MGAM: variants seen among roughly 807,000 people sequenced by gnomAD.
The protein encoded by MGAM is maltase-glucoamylase.
In MGAM, 253 loss-of-function variants were observed where a neutral mutation model predicts 358.8. That is an observed-to-expected ratio of 0.71 (90% CI 0.64 to 0.78). The LOEUF (loss-of-function observed/expected upper bound fraction) is 0.78. MGAM is among the 30% of genes least tolerant of loss of function. MGAM has a pLI of 0.00. For synonymous variants in MGAM, 1,105 were observed against 1,227.1 expected (o/e 0.90, Z 2.08); for missense variants, 3,080 against 3,432.6 (o/e 0.90, Z 2.57).
At chr7:142,019,749 G>T (rs1363558873) in intron 4 of MGAM, among the ~76,000 whole-genome samples, 5 of 152,118 alleles carry the variant, frequency 3.3e-5, no homozygotes, top group African/African-American at 1.2e-4. Flanking sequence ...GGAGTGAATA[G>T]CCCCTCTTCT....
intron 10 of MGAM, among the ~76,000 whole-genome samples, chr7:142,029,133 G>A (rs1427720433): frequency 6.6e-6 from 1 of 152,058 alleles, no homozygotes; most frequent in Admixed American, 6.6e-5. Context: ...GGCAGATCAC[G>A]AGGTCAGGAG....
At chr7:142,034,433 A>G in intron 15 of MGAM, 54 bp downstream of exon 15, 1 of 1,266,526 alleles carries the variant, frequency 7.9e-7, no homozygotes. Flanking sequence ...GAATATATAT[A>G]TGTTTTTAAT....
At chr7:142,041,982 A>ATATATG (rs1210943951) in intron 21 of MGAM, among the ~76,000 whole-genome samples, 6 of 13,154 alleles carry the variant, frequency 4.6e-4, no homozygotes, top group Admixed American at 1.7e-3. Context: ...ATATATATAT[A>ATATATG]ATATAATATA....
At position 142,034,355 on chromosome 7, in the gene MGAM, A is replaced by G; in HGVS notation, c.1763A>G (p.Tyr588Cys). The G allele has an allele frequency of 1.3e-6, 2 of 1,587,976 alleles. No individual in the cohort carries two copies. The highest frequency in any genetic ancestry group is 1.7e-6 in the Non-Finnish European group (2 of 1,166,590). Reference protein sequence around the residue: ...KQYDIHNLYGYSMAVATAEAA... With the variant: ...KQYDIHNLYGCSMAVATAEAA... ...TATGACATTCACAATCTGTATGGCT[A>G]CTCCATGGCGGTCGCCACAGCAGAG... The change falls in exon 15 of 71, where the codon TAC becomes TGC. Residue 588 changes from tyrosine (Y) to cysteine (C), a missense_variant. Coordinates refer to ENST00000475668, the MANE Select transcript of MGAM (RefSeq NM_001365693.1).
intron 9 of MGAM, 89 bp from the exon 10 acceptor site, chr7:142,027,521 C>A: frequency 7.3e-7 from 1 of 1,376,732 alleles, no homozygotes; most frequent in Non-Finnish European, 1.0e-6. Flanking sequence ...GGGAAATGGA[C>A]TATGTTTGGT....
chr7:142,046,930 T>G (rs1269204449), intron 21 of MGAM, among the ~76,000 whole-genome samples: 7 of 152,148 alleles, frequency 4.6e-5, no homozygotes, highest in African/African-American at 1.7e-4. Context: ...ATTTATTTAT[T>G]TTTGTATCTC....
Position 142,095,634 on chromosome 7 carries a change from A to C in MGAM, c.7528A>C (p.Thr2510Pro). ...ISRTVLQTRYTLLPYLYTLMH... is the reference protein window; with the variant it reads ...ISRTVLQTRYPLLPYLYTLMH... Reference sequence around the variant, plus strand: ...CAGAACTGTCCTGCAGACCAGATACACCCTGTTGCCATATCTGTATACCTT... The same window carrying C: ...CAGAACTGTCCTGCAGACCAGATACCCCCTGTTGCCATATCTGTATACCTT... Residue 2510 changes from threonine to proline, a missense_variant, in exon 64 of 71, where the codon ACC becomes CCC. Physicochemically the swap from Thr to Pro is conservative, Grantham distance 38 (BLOSUM62 -1). Around this residue, in one of 5 missense-constraint regions of MGAM, gnomAD observed 932 missense variants for 1,198.2 expected, o/e 0.78. Coordinates refer to ENST00000475668, the MANE Select transcript of MGAM (RefSeq NM_001365693.1). The C allele has an allele frequency of 6.2e-7, 1 of 1,613,820 alleles. No homozygotes were observed. Among genetic ancestry groups the C allele is most frequent in the Non-Finnish European group, 8.5e-7 (1 of 1,179,810 alleles).
chr7:142,043,495 A>C (rs1260780208), intron 21 of MGAM, among the ~76,000 whole-genome samples: 2 of 87,480 alleles, frequency 2.3e-5, no homozygotes, highest in South Asian at 3.6e-4. Flanking sequence ...AATATAATAT[A>C]TATATTATAT....
intron 1 of MGAM, 48 bp from the exon 2 acceptor site, chr7:142,005,481 T>C (rs1584901773): frequency 1.5e-6 from 2 of 1,335,634 alleles, no homozygotes; most frequent in Non-Finnish European, 2.0e-6. Context: ...TTACTAGTTA[T>C]ATAGTAAATC....
intron 53 of MGAM, 68 bp downstream of exon 53, chr7:142,083,481 A>C (rs1213238009): frequency 1.8e-6 from 2 of 1,124,626 alleles, no homozygotes; most frequent in East Asian, 5.1e-5. Flanking sequence ...GCCCACATTC[A>C]TTAGTATAAC....
Position 142,102,645 on chromosome 7 carries a change from G to A in MGAM, c.7979G>A (p.Gly2660Glu). 1.9e-6 allele frequency: 3 copies of A among 1,613,434 alleles called. No homozygotes were observed. Among genetic ancestry groups the A allele is most frequent in the Non-Finnish European group, 2.5e-6 (3 of 1,179,702 alleles). The change falls in exon 69 of 71, where the codon GGA becomes GAA. Residue 2660 changes from glycine to glutamate, a missense_variant. By Grantham distance (98) the Gly-to-Glu change is moderately conservative. Transcript: ENST00000475668. Reference protein sequence around the residue: ...DGQSIDTYGKGLYYLASFSAS... With the variant: ...DGQSIDTYGKELYYLASFSAS... ...TTGTTTGCAGATACCTATGGGAAAG[G>A]ACTCTATTACTTGGCCAGCTTTTCT...
At chr7:141,989,131 GGAGAGAGAGAGAGA>G (rs141287011) in intron 2 of MGAM, among the ~76,000 whole-genome samples, 4 of 148,088 alleles carry the variant, frequency 2.7e-5, no homozygotes, top group South Asian at 2.2e-4. Flanking sequence ...AGAGAAAGAG[GGAGAGAGAGAGAGA>G]GAGAGAGAAA....
chr7:142,083,285 T>G lies in MGAM; in HGVS notation c.6269-16T>G. On this transcript the variant is annotated splice_polypyrimidine_tract_variant and intron_variant, in intron 52 of 70. Transcript: ENST00000475668. The stretch of plus-strand genomic sequence containing the variant: ...GGAAAGTTTCCAGCTTGATTAGCAT[T>G]TTTCTTCATTTTCAGATGTGACGTT... 1 of 1,523,214 alleles carries G rather than the reference T, an allele frequency of 6.6e-7. No homozygotes were observed. Among genetic ancestry groups the G allele is most frequent in the Non-Finnish European group, 9.0e-7 (1 of 1,108,386 alleles). 94.4% of individuals were successfully genotyped at this position (1,523,214 alleles called of 1,614,324 possible). A position where few individuals can be genotyped will look rare whatever the true frequency, so the allele number is the denominator to read the frequency against.
rs753259806 is a variant in MGAM, at chr7:142,071,137, G to T, written c.5186+19G>T. On this transcript the variant is annotated intron_variant, in intron 44 of 70. Coordinates refer to ENST00000475668, the MANE Select transcript of MGAM (RefSeq NM_001365693.1). ...ACTTAAGGTGAATGACAGGACTCAG[G>T]TTTTCCTTTACATTTCAGTTAGCTC... is the stretch of plus-strand genomic sequence containing the variant. The T allele has an allele frequency of 6.5e-7, 1 of 1,541,282 alleles. No individual in the cohort carries two copies. Among genetic ancestry groups the T allele is most frequent in the South Asian group, 1.1e-5 (1 of 87,464 alleles).
At chr7:142,067,962 ATAAAT>A (rs1812955041) in intron 42 of MGAM, among the ~76,000 whole-genome samples, 1 of 36,340 alleles carries the variant, frequency 2.8e-5, no homozygotes, top group African/African-American at 7.9e-5. Flanking sequence ...ATATATATAT[ATAAAT>A]ATATATATAT....
At position 142,046,064 on chromosome 7, in the gene MGAM, A is replaced by ATATT. The variant is rs1810352034; in HGVS notation, c.2499-1721_2499-1720insTATT. Among the ~76,000 whole-genome samples, 127 of 140,318 alleles carry ATATT rather than the reference A, an allele frequency of 9.1e-4. 6 individuals are homozygous for ATATT. The highest frequency in any genetic ancestry group is 1.9e-3 in the African/African-American group (71 of 38,126). The allele number at this position is 140,318 out of a possible 152,430, so 92.1% of individuals were successfully genotyped here. A position where few individuals can be genotyped will look rare whatever the true frequency, so the allele number is the denominator to read the frequency against. On this transcript the variant is annotated intron_variant, in intron 21 of 70. Transcript: ENST00000475668. The stretch of plus-strand genomic sequence containing the variant: ...TATATATACATACAATATGTAATAT[A>ATATT]ATATATAATATAGAAATTTATATGT...
intron 8 of MGAM, among the ~76,000 whole-genome samples, chr7:142,026,459 C>G (rs1283409401): frequency 1.3e-5 from 2 of 152,120 alleles, no homozygotes; most frequent in Non-Finnish European, 2.9e-5. Flanking sequence ...CACATACACA[C>G]AGCAATTCTC....
intron 3 of MGAM, among the ~76,000 whole-genome samples, chr7:142,018,846 G>C (rs1038552295): frequency 3.3e-5 from 5 of 152,058 alleles, no homozygotes; most frequent in Admixed American, 1.3e-4. Context: ...ATTTTTAAAA[G>C]TCAAAGCCGA....
chr7:142,054,547 T>G (rs1216004549), intron 26 of MGAM, among the ~76,000 whole-genome samples: 3 of 152,148 alleles, frequency 2.0e-5, no homozygotes, highest in Non-Finnish European at 4.4e-5. Context: ...TTGAGTTTAT[T>G]AAGGTAATAG....
Sources: allele counts gnomAD v4.1 joint callset (sites outside exome capture counted in the v4.1 genomes callset), GRCh38; gene constraint gnomAD v4.1.1; regional missense constraint gnomAD v4.1.1; transcripts MANE v1.5; gene names NCBI Gene and HGNC (gene_info 2026-07-23, HGNC 2026-07-21).